Variants in SLC12A1 observed in about 807,000 individuals in gnomAD.
SLC12A1 encodes the protein solute carrier family 12 member 1.
A neutral mutation model predicts 130.4 loss-of-function variants in SLC12A1; 89 were observed. The observed-to-expected ratio is 0.68, with a 90% confidence interval of 0.58 to 0.81. SLC12A1 has a LOEUF of 0.81. SLC12A1 is among the 40% of genes least tolerant of loss of function. SLC12A1 has a pLI of 0.00. For synonymous variants in SLC12A1, 499 were observed against 460.0 expected, an observed-to-expected ratio of 1.08 and a Z score of -1.09; for missense variants, 1,310 against 1,336.4, an observed-to-expected ratio of 0.98 and a Z score of 0.31.
chr15:48,225,852 G>A, intron 4 of SLC12A1: 1 of 974,890 alleles, frequency 1.0e-6, no homozygotes, highest in Non-Finnish European at 1.2e-6. Flanking sequence ...TTCAACTGAG[G>A]TCTTGGTGTG....
chr15:48,295,939 T>C (rs2042173855), intron 24 of SLC12A1, among the ~76,000 whole-genome samples: 1 of 152,202 alleles, frequency 6.6e-6, no homozygotes, highest in Non-Finnish European at 1.5e-5. Flanking sequence ...ATCTCACGGA[T>C]GGCCACTAGT....
chr15:48,248,504 C>G (rs1319801469), intron 13 of SLC12A1, among the ~76,000 whole-genome samples: 1 of 152,214 alleles, frequency 6.6e-6, no homozygotes, highest in African/African-American at 2.4e-5. Flanking sequence ...AGTGCATTGG[C>G]TCCACCCATA....
intron 4 of SLC12A1, chr15:48,223,117 T>A (rs1042661119): frequency 1.3e-5 from 2 of 152,214 alleles, no homozygotes; most frequent in East Asian, 3.8e-4. Context: ...TTCTAAATAT[T>A]AAGGAGCAGG....
At chr15:48,272,916 T>C (rs1430792766) in intron 19 of SLC12A1, among the ~76,000 whole-genome samples, 1 of 151,892 alleles carries the variant, frequency 6.6e-6, no homozygotes, top group African/African-American at 2.4e-5. Flanking sequence ...GAGACGAACC[T>C]GGTCAAGATG....
chr15:48,259,129 C>A, intron 16 of SLC12A1, 71 bp from the exon 17 acceptor site: 1 of 986,480 alleles, frequency 1.0e-6, no homozygotes, highest in Non-Finnish European at 1.6e-6. Flanking sequence ...TACCTGTCAT[C>A]CCACTGGAAT....
At chr15:48,284,483 T>C (rs1414843631) in intron 20 of SLC12A1, among the ~76,000 whole-genome samples, 3 of 152,206 alleles carry the variant, frequency 2.0e-5, no homozygotes, top group African/African-American at 7.2e-5. Context: ...TGTTTGTTTG[T>C]TTTTGCATGG....
intron 14 of SLC12A1, 99 bp downstream of exon 14, chr15:48,249,775 T>C (rs2141061836): frequency 3.4e-6 from 3 of 874,594 alleles, no homozygotes; most frequent in South Asian, 3.0e-5. Context: ...TGTGTTTATA[T>C]GTTTCCTTAT....
At position 48,278,239 on chromosome 15, in the gene SLC12A1, G is replaced by A. The variant is rs115611862; in HGVS notation, c.2485+3586G>A. ...AGCCTGGGCGAAAGAGCGAGACTCC[G>A]TCTCAACAACAACAAAAAATATTTG... On this transcript the variant is annotated intron_variant, in intron 20 of 26. Transcript: ENST00000380993. 4.9e-3 allele frequency among the ~76,000 whole-genome samples: 741 copies of A among 152,320 alleles called. 8 individuals carry two copies. Among genetic ancestry groups the A allele is most frequent in the Middle Eastern group, 0.044 (13 of 294 alleles).
chr15:48,288,450 G>T lies in SLC12A1; in HGVS notation c.2807G>T (p.Trp936Leu). 6.4e-7 allele frequency: 1 copy of T among 1,553,966 alleles called. No homozygotes were observed. The highest frequency in any genetic ancestry group is 1.4e-5 in the African/African-American group (1 of 73,534). ...TATATCTTAACTCTCAGAAAAAAATGGAAAGACTGTAAATTAAGAATCTAT... is the reference window on the plus strand; with the variant it reads ...TATATCTTAACTCTCAGAAAAAAATTGAAAGACTGTAAATTAAGAATCTAT... Reference protein sequence around the residue: ...IPYILTLRKKWKDCKLRIYVG... With the variant: ...IPYILTLRKKLKDCKLRIYVG... The change falls in exon 23 of 27, where the codon TGG becomes TTG. Residue 936 changes from tryptophan to leucine, a missense_variant. Trp to Leu is a moderately conservative substitution (Grantham distance 61). Coordinates refer to ENST00000380993, the MANE Select transcript of SLC12A1 (RefSeq NM_000338.3).
intron 17 of SLC12A1, among the ~76,000 whole-genome samples, chr15:48,263,959 C>G (rs2041803799): frequency 1.3e-5 from 2 of 152,094 alleles, no homozygotes; most frequent in South Asian, 4.1e-4. Flanking sequence ...TCCCAAAGTC[C>G]ATTATAGGTA....
chr15:48,234,752 C>CA lies in SLC12A1; in HGVS notation c.1088-112dup, dbSNP rs397948995. 78,585 of 659,154 alleles carry CA rather than the reference C, an allele frequency of 0.12. 133 individuals are homozygous for CA. The highest frequency in any genetic ancestry group is 0.12 in the East Asian group (3,223 of 26,016). 40.8% of individuals were successfully genotyped at this position (659,154 alleles called of 1,614,324 possible). ...TGGGCAACAGAGTGAGACTCTGTCTCAAAAAAAAAAAAATTAGAATATAGG... is the reference window on the plus strand; with the variant it reads ...TGGGCAACAGAGTGAGACTCTGTCTCAAAAAAAAAAAAAATTAGAATATAGG... On this transcript the variant is annotated intron_variant, in intron 8 of 26. Coordinates refer to ENST00000380993, the MANE Select transcript of SLC12A1 (RefSeq NM_000338.3).
intron 4 of SLC12A1, chr15:48,223,281 C>T (rs2041240270): frequency 6.6e-6 from 1 of 152,132 alleles, no homozygotes; most frequent in Admixed American, 6.5e-5. Flanking sequence ...CTGCAGAATC[C>T]TGGGATTTAC....
intron 19 of SLC12A1, among the ~76,000 whole-genome samples, 153 bp downstream of exon 19, chr15:48,269,917 AAAC>A (rs1022076164): frequency 1.3e-5 from 2 of 152,212 alleles, no homozygotes; most frequent in East Asian, 3.8e-4. Flanking sequence ...AAGGTGAAAA[AAAC>A]ACCACCAATA....
intron 20 of SLC12A1, among the ~76,000 whole-genome samples, chr15:48,277,412 T>A (rs552552756): frequency 1.3e-5 from 2 of 151,362 alleles, no homozygotes; most frequent in Admixed American, 1.3e-4. Flanking sequence ...GAGAGTAGAG[T>A]GGTAAATTGA....
At chr15:48,236,092 AACACAC>A (rs56371843) in intron 9 of SLC12A1, among the ~76,000 whole-genome samples, 12,420 of 145,766 alleles carry the variant, frequency 0.085, 715 homozygotes, top group African/African-American at 0.16. Context: ...AGCCATTTCT[AACACAC>A]ACACACACAC....
intron 16 of SLC12A1, among the ~76,000 whole-genome samples, chr15:48,257,777 C>A (rs2041724512): frequency 6.6e-6 from 1 of 152,236 alleles, no homozygotes; most frequent in African/African-American, 2.4e-5. Context: ...AGAGAGGCTG[C>A]TGTGAAGTTC....
chr15:48,226,036 T>C, intron 4 of SLC12A1: 1 of 289,816 alleles, frequency 3.5e-6, no homozygotes, highest in South Asian at 1.2e-4. Context: ...TGGAGTGTTT[T>C]CAAAGGTAAT....
At chr15:48,285,495 G>A (rs970164063) in intron 21 of SLC12A1, among the ~76,000 whole-genome samples, 4 of 152,200 alleles carry the variant, frequency 2.6e-5, no homozygotes, top group African/African-American at 9.7e-5. Flanking sequence ...TGGTTTGGAA[G>A]TCAAATAGTG....
chr15:48,283,289 C>T (rs760690389), intron 20 of SLC12A1, among the ~76,000 whole-genome samples: 2 of 152,142 alleles, frequency 1.3e-5, no homozygotes, highest in Admixed American at 1.3e-4. Flanking sequence ...ATTTCACAGA[C>T]GGGAAATCCG....
Sources: gnomAD v4.1 joint callset for allele counts (sites outside exome capture counted in the v4.1 genomes callset) on GRCh38, gnomAD v4.1.1 for gene constraint, MANE v1.5 for transcripts, NCBI Gene and HGNC (gene_info 2026-07-23, HGNC 2026-07-21) for gene names.